NYAP2: variants seen among roughly 807,000 people sequenced by gnomAD.
NYAP2 encodes neuronal tyrosine-phosphorylated phosphoinositide-3-kinase adaptor 2, also known as neuronal tyrosine-phosphorylated phosphoinositide-3-kinase adapter 2.
In NYAP2, 23 loss-of-function variants were observed where a neutral mutation model predicts 50.4. The observed-to-expected ratio is 0.46, with a 90% CI of 0.33 to 0.65. The LOEUF (loss-of-function observed/expected upper bound fraction) is 0.65, where lower values mean the gene tolerates loss of function less well. Among genes scored for constraint, NYAP2 ranks in the 30% least tolerant of loss-of-function variants. The pLI is 0.02. For missense variants in NYAP2, 885 were observed against 861.0 expected (o/e 1.03, Z -0.35); for synonymous variants, 394 against 365.2 (o/e 1.08, Z -0.90).
chr2:225,626,932 T>C (rs1426046372), exon 6 of NYAP2: 2 of 1,575,608 alleles, frequency 1.3e-6, no homozygotes, highest in Non-Finnish European at 1.7e-6. Context: ...ACAGAGGAAC[T>C]GAAAGTCCGA....
chr2:225,534,974 C>T (rs950055822), intron 4 of NYAP2, among the ~76,000 whole-genome samples: 8 of 152,178 alleles, frequency 5.3e-5, no homozygotes, highest in Non-Finnish European at 1.0e-4. Context: ...GCAGCCTTTG[C>T]AACTTGTCAG....
intron 3 of NYAP2, among the ~76,000 whole-genome samples, chr2:225,447,427 T>A (rs755959681): frequency 6.6e-6 from 1 of 152,206 alleles, no homozygotes; most frequent in Non-Finnish European, 1.5e-5. Flanking sequence ...GATACTAATA[T>A]CAAATAAACT....
At chr2:225,686,145 T>C in the NYAP2 span, among the ~76,000 whole-genome samples, 5 of 152,164 alleles carry the variant, frequency 3.3e-5, no homozygotes, top group Admixed American at 2.0e-4. Context: ...CTGGTTATAG[T>C]CTTTCAGCAG....
intron 3 of NYAP2, among the ~76,000 whole-genome samples, chr2:225,432,775 C>T (rs1011940463): frequency 3.3e-5 from 5 of 152,174 alleles, no homozygotes; most frequent in African/African-American, 1.2e-4. Context: ...GCATCTCCAC[C>T]ATGTTTTAGG....
intron 3 of NYAP2, among the ~76,000 whole-genome samples, chr2:225,469,086 C>G (rs1363874201): frequency 6.6e-6 from 1 of 152,136 alleles, no homozygotes; most frequent in Non-Finnish European, 1.5e-5. Context: ...AGGCAGCCTA[C>G]AGAATGGGAG....
chr2:225,538,042 G>A (rs1691382717), intron 4 of NYAP2, among the ~76,000 whole-genome samples: 1 of 152,204 alleles, frequency 6.6e-6, no homozygotes, highest in Non-Finnish European at 1.5e-5. Flanking sequence ...ACTGATGCAA[G>A]AGGTGGGTTC....
intron 5 of NYAP2, among the ~76,000 whole-genome samples, chr2:225,586,227 T>A (rs1041044208): frequency 6.6e-6 from 1 of 152,202 alleles, no homozygotes; most frequent in Non-Finnish European, 1.5e-5. Flanking sequence ...ATCAATTTCA[T>A]GTTTTAAAGG....
intron 3 of NYAP2, among the ~76,000 whole-genome samples, chr2:225,495,069 G>A (rs1006104128): frequency 2.6e-5 from 4 of 152,068 alleles, no homozygotes; most frequent in African/African-American, 9.7e-5. Context: ...GTTTACATGT[G>A]TGCTTATTTT....
intron 4 of NYAP2, among the ~76,000 whole-genome samples, chr2:225,530,103 T>A (rs9653361): frequency 0.51 from 78,144 of 151,866 alleles, 20,322 homozygotes; most frequent in East Asian, 0.65. Context: ...TAAAATTATT[T>A]TTTTTTTAAT....
intron 4 of NYAP2, among the ~76,000 whole-genome samples, chr2:225,552,506 GCT>G: frequency 6.6e-6 from 1 of 152,226 alleles, no homozygotes; most frequent in East Asian, 1.9e-4. Context: ...TGAGGATAGA[GCT>G]CTCATAAATC....
At chr2:225,671,320 T>G in the NYAP2 span, among the ~76,000 whole-genome samples, 1 of 152,196 alleles carries the variant, frequency 6.6e-6, no homozygotes, top group African/African-American at 2.4e-5. Flanking sequence ...TCCTTTCTTG[T>G]CATTTCCACA....
intron 3 of NYAP2, among the ~76,000 whole-genome samples, chr2:225,409,697 C>G (rs893340129): frequency 6.6e-6 from 1 of 152,002 alleles, no homozygotes; most frequent in Non-Finnish European, 1.5e-5. Flanking sequence ...GCTGGTGAGC[C>G]CCAGATGGTG....
exon 7 of NYAP2, chr2:225,651,564 G>C: frequency 6.2e-7 from 1 of 1,613,612 alleles, no homozygotes; most frequent in Non-Finnish European, 8.5e-7. Flanking sequence ...AATCGTGATT[G>C]ACTTCCTGTG....
chr2:225,625,855 A>G (rs536434233), intron 5 of NYAP2, among the ~76,000 whole-genome samples: 2 of 152,318 alleles, frequency 1.3e-5, no homozygotes, highest in East Asian at 3.9e-4. Flanking sequence ...TTTTGGCAGT[A>G]TAAGGAGCTT....
chr2:225,521,950 G>T (rs1341192851), intron 4 of NYAP2, among the ~76,000 whole-genome samples: 1 of 152,108 alleles, frequency 6.6e-6, no homozygotes, highest in African/African-American at 2.4e-5. Context: ...CACAATTTCA[G>T]AGCCTGTTAT....
chr2:225,531,564 G>A (rs879892517), intron 4 of NYAP2, among the ~76,000 whole-genome samples: 11 of 152,166 alleles, frequency 7.2e-5, no homozygotes, highest in Non-Finnish European at 1.6e-4. Context: ...GGCTTAATAA[G>A]TAATGATGAA....
chr2:225,488,927 A>G (rs1263763643), intron 3 of NYAP2, among the ~76,000 whole-genome samples: 5 of 152,188 alleles, frequency 3.3e-5, no homozygotes, highest in African/African-American at 4.8e-5. Flanking sequence ...TCAAAACCAC[A>G]TAGTAAATAG....
At chr2:225,578,879 G>A (rs76972994) in intron 4 of NYAP2, among the ~76,000 whole-genome samples, 5,642 of 152,196 alleles carry the variant, frequency 0.037, 330 homozygotes, top group African/African-American at 0.13. Flanking sequence ...AAATTAGAGA[G>A]TGGTTTAAAT....
chr2:225,547,918 G>T (rs1691612682), intron 4 of NYAP2, among the ~76,000 whole-genome samples: 1 of 152,084 alleles, frequency 6.6e-6, no homozygotes, highest in African/African-American at 2.4e-5. Context: ...TATTCTTGAA[G>T]GTCTTCCTGT....
Sources: allele counts gnomAD v4.1 joint callset (sites outside exome capture counted in the v4.1 genomes callset), GRCh38; gene constraint gnomAD v4.1.1; transcripts MANE v1.5; gene names NCBI Gene and HGNC (gene_info 2026-07-23, HGNC 2026-07-21).